Variants in SMNDC1 observed in about 807,000 individuals in gnomAD.
The protein encoded by SMNDC1 is survival motor neuron domain containing 1.
A neutral mutation model predicts 29.2 loss-of-function variants in SMNDC1; 5 were observed. The ratio of observed to expected loss-of-function variants is 0.17; its 90% confidence interval spans 0.09 to 0.36. The LOEUF (loss-of-function observed/expected upper bound fraction) is 0.36. Ranked by LOEUF, SMNDC1 falls within the 10% of genes least tolerant of loss-of-function variation. The pLI is 1.00. For synonymous variants in SMNDC1, 80 were observed against 89.9 expected (o/e 0.89, Z 0.62); for missense variants, 142 against 268.5 (o/e 0.53, Z 3.29).
intron 3 of SMNDC1, 130 bp from the exon 4 acceptor site, chr10:110,297,858 C>G (rs978056830): frequency 7.5e-6 from 6 of 795,548 alleles, no homozygotes; most frequent in Non-Finnish European, 1.1e-5. Flanking sequence ...GTTGTTTCAG[C>G]AAAGAGAATA....
At chr10:110,295,188 G>C (rs767987129) in intron 5 of SMNDC1, 40 bp downstream of exon 5, 2 of 1,524,852 alleles carry the variant, frequency 1.3e-6, no homozygotes, top group Non-Finnish European at 8.8e-7. Context: ...AATGACAGTT[G>C]CATTTCTCAA....
At chr10:110,300,031 C>A (rs906953269) in intron 2 of SMNDC1, among the ~76,000 whole-genome samples, 3 of 152,130 alleles carry the variant, frequency 2.0e-5, no homozygotes, top group Non-Finnish European at 4.4e-5. Flanking sequence ...AAGCAAAGAA[C>A]CTTCCAAATA....
At chr10:110,296,801 A>G (rs1350005118) in intron 4 of SMNDC1, among the ~76,000 whole-genome samples, 3 of 152,116 alleles carry the variant, frequency 2.0e-5, no homozygotes, top group Non-Finnish European at 4.4e-5. Context: ...CCCACCTTCC[A>G]GGCCCCAAGT....
intron 1 of SMNDC1, chr10:110,304,132 T>C (rs1857702095): frequency 6.6e-6 from 1 of 152,356 alleles, no homozygotes; most frequent in Non-Finnish European, 1.5e-5. Flanking sequence ...TATCGGTGCA[T>C]TATCTTCAGC....
intron 3 of SMNDC1, among the ~76,000 whole-genome samples, chr10:110,298,407 CCATT>C (rs1009786824): frequency 4.6e-5 from 7 of 151,772 alleles, no homozygotes; most frequent in African/African-American, 7.3e-5. Context: ...TAGAAAACAC[CCATT>C]CATTGTCCTG....
intron 5 of SMNDC1, among the ~76,000 whole-genome samples, chr10:110,294,945 C>T (rs951262140): frequency 6.6e-6 from 1 of 152,324 alleles, no homozygotes; most frequent in Admixed American, 6.5e-5. Context: ...GTTAAGCACA[C>T]TGCCTCTAAG....
At chr10:110,300,266 G>A (rs965504779) in intron 2 of SMNDC1, among the ~76,000 whole-genome samples, 34 of 152,150 alleles carry the variant, frequency 2.2e-4, no homozygotes, top group African/African-American at 7.2e-4. Flanking sequence ...GGACAGAACT[G>A]TTTTCCAAAT....
chr10:110,303,776 G>A, intron 1 of SMNDC1, 189 bp from the exon 2 acceptor site: 1 of 513,820 alleles, frequency 1.9e-6, no homozygotes, highest in South Asian at 2.9e-5. Context: ...AAAGGCAACA[G>A]ATTCTGAGGA....
Position 110,303,512 on chromosome 10 carries a change from T to C in SMNDC1, c.76A>G (p.Asn26Asp). ...TTTAGCAAATCTTCATTTTCTCCAT[T>C]TCCAGATAATGCAGCTTCAACTTGC... ...LQQVEAALSG[N>D]GENEDLLKLK... is the part of the protein sequence containing the mutation. Residue 26 changes from asparagine to aspartate, a missense_variant, in exon 2 of 6, where the codon AAT (asparagine) becomes GAT (aspartate). Asn to Asp is a conservative substitution (Grantham distance 23). Around this residue, in one of 4 missense-constraint regions of SMNDC1, gnomAD observed 3 missense variants for 19.2 expected, o/e 0.16. Coordinates refer to ENST00000369603, the MANE Select transcript of SMNDC1 (RefSeq NM_005871.4). The C allele has an allele frequency of 6.3e-7, 1 of 1,587,318 alleles. No individual in the cohort carries two copies. The highest frequency in any genetic ancestry group is 1.2e-5 in the South Asian group (1 of 86,060).
chr10:110,299,362 G>A (rs755040337), intron 2 of SMNDC1, among the ~76,000 whole-genome samples: 35 of 152,130 alleles, frequency 2.3e-4, no homozygotes, highest in Non-Finnish European at 4.3e-4. Flanking sequence ...ATCTGGGTAA[G>A]CAAATTACCA....
At chr10:110,297,431 A>C in intron 4 of SMNDC1, 136 bp downstream of exon 4, 1 of 749,380 alleles carries the variant, frequency 1.3e-6, no homozygotes, top group Non-Finnish European at 2.2e-6. Flanking sequence ...GACAATGTTG[A>C]CCCTTTGTTG....
rs1419140606 is a variant in SMNDC1 at position 110,292,779 on chromosome 10, T to C, written c.*1371A>G. ...CCTAAGTTTCAATTTATAAAAAAAA[T>C]TAAAATTCATGAAATAAAAACTTAT... On this transcript the variant is annotated 3_prime_UTR_variant, in exon 6 of 6. Transcript: ENST00000369603. 6.6e-6 allele frequency: 1 copy of C among 152,022 alleles called. No individual in the cohort carries two copies. 9.4% of individuals were successfully genotyped at this position (152,022 alleles called of 1,614,324 possible). A position where few individuals can be genotyped will look rare whatever the true frequency, so the allele number is the denominator to read the frequency against.
intron 4 of SMNDC1, among the ~76,000 whole-genome samples, chr10:110,296,804 C>A (rs1857567894): frequency 1.3e-5 from 2 of 152,186 alleles, no homozygotes; most frequent in Non-Finnish European, 2.9e-5. Context: ...ACCTTCCAGG[C>A]CCCAAGTTTT....
At chr10:110,301,425 A>T (rs1246472399) in intron 2 of SMNDC1, among the ~76,000 whole-genome samples, 1 of 152,266 alleles carries the variant, frequency 6.6e-6, no homozygotes, top group East Asian at 1.9e-4. Context: ...GACCTTATCT[A>T]GGGACCAAAA....
intron 1 of SMNDC1, 135 bp from the exon 2 acceptor site, chr10:110,303,722 A>G: frequency 2.7e-6 from 2 of 728,556 alleles, no homozygotes; most frequent in Non-Finnish European, 4.3e-6. Flanking sequence ...ATTTACCACC[A>G]TTACCTTTAC....
chr10:110,302,282 T>C (rs998370259), intron 2 of SMNDC1, among the ~76,000 whole-genome samples: 1 of 152,182 alleles, frequency 6.6e-6, no homozygotes. Context: ...TCCCAAAACA[T>C]CTTTTTTGTA....
intron 2 of SMNDC1, among the ~76,000 whole-genome samples, chr10:110,300,001 TAGAC>T (rs1471609423): frequency 3.3e-5 from 5 of 152,244 alleles, no homozygotes; most frequent in Non-Finnish European, 1.5e-5. Flanking sequence ...TCTTTTTAAT[TAGAC>T]AGTCCTTTGC....
In SMNDC1 at chr10:110,292,476, C is replaced by T. The variant is rs1857510490; in HGVS notation, c.*1674G>A. Reference sequence around the variant, plus strand: ...CATTTTCTGGGGTCACACAATGACACCAAATTTCTTCCCAGTGCTTTTTAA... The same window carrying T: ...CATTTTCTGGGGTCACACAATGACATCAAATTTCTTCCCAGTGCTTTTTAA... On this transcript the variant is annotated 3_prime_UTR_variant, in exon 6 of 6. Transcript: ENST00000369603. 6.6e-6 allele frequency: 1 copy of T among 152,150 alleles called. No individual in the cohort carries two copies. Among genetic ancestry groups the T allele is most frequent in the African/African-American group, 2.4e-5 (1 of 41,438 alleles). The allele number at this position is 152,150 out of a possible 1,614,324, so 9.4% of individuals were successfully genotyped here. A position where few individuals can be genotyped will look rare whatever the true frequency, so the allele number is the denominator to read the frequency against.
Position 110,292,162 on chromosome 10 carries a change from G to A in SMNDC1, c.*1988C>T, listed in dbSNP as rs759765413. Reference sequence around the variant, plus strand: ...ACACTGTGACAGGTAGTCTCCCCAGGAGTCCTGCCTCTTAGTTCAGAGACA... The same window carrying A: ...ACACTGTGACAGGTAGTCTCCCCAGAAGTCCTGCCTCTTAGTTCAGAGACA... On this transcript the variant is annotated 3_prime_UTR_variant, in exon 6 of 6. Coordinates refer to ENST00000369603, the MANE Select transcript of SMNDC1 (RefSeq NM_005871.4). The A allele has an allele frequency of 2.6e-5, 4 of 152,084 alleles. No homozygotes were observed. The highest frequency in any genetic ancestry group is 5.9e-5 in the Non-Finnish European group (4 of 68,014). 9.4% of individuals were successfully genotyped at this position (152,084 alleles called of 1,614,324 possible). A position where few individuals can be genotyped will look rare whatever the true frequency, so the allele number is the denominator to read the frequency against.
Sources: allele counts gnomAD v4.1 joint callset (sites outside exome capture counted in the v4.1 genomes callset), GRCh38; gene constraint gnomAD v4.1.1; regional missense constraint gnomAD v4.1.1; transcripts MANE v1.5; gene names NCBI Gene and HGNC (gene_info 2026-07-23, HGNC 2026-07-21).